Variants in PRR18 observed in about 807,000 individuals in gnomAD.
PRR18 encodes proline rich 18.
For missense variants in PRR18, 517 were observed against 437.4 expected, an observed-to-expected ratio of 1.18 and a Z score of -1.62; for synonymous variants, 228 against 220.2, an observed-to-expected ratio of 1.04 and a Z score of -0.32.
At position 166,307,721 on chromosome 6, in the gene PRR18, G is replaced by C; in HGVS notation, c.422C>G (p.Pro141Arg). 4 of 1,529,346 alleles carry C rather than the reference G, an allele frequency of 2.6e-6. No individual in the cohort carries two copies. The highest frequency in any genetic ancestry group is 3.5e-6 in the Non-Finnish European group (4 of 1,136,374). The allele number at this position is 1,529,346 out of a possible 1,614,324, so 94.7% of individuals were successfully genotyped here. The change falls in exon 1 of 1, where the codon CCC (proline) becomes CGC (arginine). Residue 141 changes from proline to arginine, a missense_variant. By Grantham distance (103) the Pro-to-Arg change is moderately radical (BLOSUM62 -2). Transcript: ENST00000322583. ...CTTCTGGATGACCAGGACGGCCTCG[G>C]GGGTGAGATTCAGGCAGAAGCGCGC... Reference protein sequence around the residue: ...SAARFCLNLTPEAVLVIQKRH... With the variant: ...SAARFCLNLTREAVLVIQKRH...
rs1333684775 is a variant in PRR18, at chr6:166,306,317, TA to T, written c.*937del. 2 of 152,222 alleles carry T rather than the reference TA, an allele frequency of 1.3e-5. No homozygotes were observed. Among genetic ancestry groups the T allele is most frequent in the Non-Finnish European group, 2.9e-5 (2 of 68,030 alleles). The allele number at this position is 152,222 out of a possible 1,614,324, so 9.4% of individuals were successfully genotyped here. ...ATTTAAAGTCTATCAAGATAAACAT[TA>T]AACCAGTTATTGGCTTTTACAAAGT... On this transcript the variant is annotated 3_prime_UTR_variant, in exon 1 of 1. Coordinates refer to ENST00000322583, the MANE Select transcript of PRR18 (RefSeq NM_175922.4).
chr6:166,306,205 A>T lies in PRR18; in HGVS notation c.*1050T>A, dbSNP rs912506289. The T allele has an allele frequency of 6.6e-6, 1 of 152,110 alleles. No homozygotes were observed. The highest frequency in any genetic ancestry group is 1.5e-5 in the Non-Finnish European group (1 of 68,034). The allele number at this position is 152,110 out of a possible 1,614,324, so 9.4% of individuals were successfully genotyped here. A position where few individuals can be genotyped will look rare whatever the true frequency, so the allele number is the denominator to read the frequency against. The stretch of plus-strand genomic sequence containing the variant: ...GAGAGAGAGACAGTGTGTGTGTGTT[A>T]TTAGAGCAAAGACCTCCACAAGAAA... On this transcript the variant is annotated 3_prime_UTR_variant, in exon 1 of 1. Coordinates refer to ENST00000322583, the MANE Select transcript of PRR18 (RefSeq NM_175922.4).
In PRR18 at chr6:166,308,117, G is replaced by T. The variant is rs1005374670; in HGVS notation, c.26C>A (p.Pro9Gln). Residue 9 changes from proline to glutamine, a missense_variant, in exon 1 of 1, where the codon CCG becomes CAG. By Grantham distance (76) the Pro-to-Gln change is moderately conservative. Coordinates refer to ENST00000322583, the MANE Select transcript of PRR18 (RefSeq NM_175922.4). MPFPPMPP[P>Q]PAPAPGAQAA... is the part of the protein sequence containing the mutation. ...TTGGGCCCCCGGGGCGGGGGCGGGC[G>T]GCGGCGGCATGGGCGGGAAGGGCAT... 8 of 1,230,960 alleles carry T rather than the reference G, an allele frequency of 6.5e-6. No homozygotes were observed. The East Asian group carries it at 2.5e-4, about 39-fold the overall frequency. The allele number at this position is 1,230,960 out of a possible 1,614,324, so 76.3% of individuals were successfully genotyped here.
chr6:166,308,172 C>G lies in PRR18; in HGVS notation c.-30G>C, dbSNP rs977131132. 2.4e-6 allele frequency: 3 copies of G among 1,229,172 alleles called. No homozygotes were observed. The highest frequency in any genetic ancestry group is 3.0e-6 in the Non-Finnish European group (3 of 984,676). 76.1% of individuals were successfully genotyped at this position (1,229,172 alleles called of 1,614,324 possible). A position where few individuals can be genotyped will look rare whatever the true frequency, so the allele number is the denominator to read the frequency against. ...CAGCCGAGCCGCCGGATCCTCAGCC[C>G]CTGGAAAGAGAGGCGGGCGCTCAGC... is the stretch of plus-strand genomic sequence containing the variant. On this transcript the variant is annotated 5_prime_UTR_variant, in exon 1 of 1. Transcript: ENST00000322583.
In PRR18 at chr6:166,307,081, C is replaced by A. The variant is rs958364818; in HGVS notation, c.*174G>T. ...GCGAGGGCAGGAGGGGGGCCGTGGC[C>A]GTCGGGCGAGTCTGGCTGCGCCCCA... On this transcript the variant is annotated 3_prime_UTR_variant, in exon 1 of 1. Transcript: ENST00000322583. The A allele has an allele frequency of 6.5e-6, 4 of 618,342 alleles. No individual in the cohort carries two copies. The highest frequency in any genetic ancestry group is 4.4e-5 in the Admixed American group (1 of 22,938). The allele number at this position is 618,342 out of a possible 1,614,324, so 38.3% of individuals were successfully genotyped here. A position where few individuals can be genotyped will look rare whatever the true frequency, so the allele number is the denominator to read the frequency against.
At position 166,308,249 on chromosome 6, in the gene PRR18, C is replaced by T. The variant is rs1424281642; in HGVS notation, c.-107G>A. On this transcript the variant is annotated 5_prime_UTR_variant, in exon 1 of 1. Transcript: ENST00000322583. ...GTCCGGGCGGCCCCTCCACACCCACCTGCGTCCAGCCGCGGCCTCTCCGGC... is the reference window on the plus strand; with the variant it reads ...GTCCGGGCGGCCCCTCCACACCCACTTGCGTCCAGCCGCGGCCTCTCCGGC... The T allele has an allele frequency of 1.8e-6, 2 of 1,097,536 alleles. No individual in the cohort carries two copies. Among genetic ancestry groups the T allele is most frequent in the Non-Finnish European group, 2.3e-6 (2 of 866,050 alleles). 68.0% of individuals were successfully genotyped at this position (1,097,536 alleles called of 1,614,324 possible).
chr6:166,307,331 C>T lies in PRR18; in HGVS notation c.812G>A (p.Arg271His). ...GLVRKCTEWL[R>H]GVESAAAARG... ...CGCGGCAGCCGCGGACTCCACGCCG[C>T]GCAGCCACTCCGTGCACTTGCGTAC... is the stretch of plus-strand genomic sequence containing the variant. Residue 271 changes from arginine (R) to histidine (H), a missense_variant, in exon 1 of 1, where the codon CGC (arginine) becomes CAC (histidine). By Grantham distance (29) the Arg-to-His change is conservative (BLOSUM62 0). Transcript: ENST00000322583. 1 of 1,565,948 alleles carries T rather than the reference C, an allele frequency of 6.4e-7. No individual in the cohort carries two copies. The highest frequency in any genetic ancestry group is 8.6e-7 in the Non-Finnish European group (1 of 1,164,948).
chr6:166,307,946 C>T lies in PRR18; in HGVS notation c.197G>A (p.Arg66Lys). The change falls in exon 1 of 1, where the codon AGG becomes AAG. Residue 66 changes from arginine to lysine, a missense_variant. Coordinates refer to ENST00000322583, the MANE Select transcript of PRR18 (RefSeq NM_175922.4). Reference protein sequence around the residue: ...PPARRGPGLDRTQPPAPPGVS... With the variant: ...PPARRGPGLDKTQPPAPPGVS... Reference sequence around the variant, plus strand: ...GCCCGGAGGGGCCGGCGGCTGCGTCCTGTCCAGGCCGGGGCCGCGCCGGGC... The same window carrying T: ...GCCCGGAGGGGCCGGCGGCTGCGTCTTGTCCAGGCCGGGGCCGCGCCGGGC... 8.1e-7 allele frequency: 1 copy of T among 1,228,488 alleles called. No homozygotes were observed. The highest frequency in any genetic ancestry group is 1.0e-6 in the Non-Finnish European group (1 of 981,034). 76.1% of individuals were successfully genotyped at this position (1,228,488 alleles called of 1,614,324 possible).
chr6:166,307,205 A>G lies in PRR18; in HGVS notation c.*50T>C. 1 of 1,355,790 alleles carries G rather than the reference A, an allele frequency of 7.4e-7. No homozygotes were observed. Among genetic ancestry groups the G allele is most frequent in the Non-Finnish European group, 9.5e-7 (1 of 1,055,240 alleles). 84.0% of individuals were successfully genotyped at this position (1,355,790 alleles called of 1,614,324 possible). A position where few individuals can be genotyped will look rare whatever the true frequency, so the allele number is the denominator to read the frequency against. On this transcript the variant is annotated 3_prime_UTR_variant, in exon 1 of 1. Coordinates refer to ENST00000322583, the MANE Select transcript of PRR18 (RefSeq NM_175922.4). ...GGCCCCTAGGCGGAGTGGCGCGTGC[A>G]GGAAGTGAGGTGGGATCAGGCCTGG...
At position 166,307,009 on chromosome 6, in the gene PRR18, G is replaced by C; in HGVS notation, c.*246C>G. ...GAGTGGGGGCAGAGGCAGGCATCTG[G>C]GGTAGATACCACCGGTGTGAACGAG... On this transcript the variant is annotated 3_prime_UTR_variant, in exon 1 of 1. Coordinates refer to ENST00000322583, the MANE Select transcript of PRR18 (RefSeq NM_175922.4). 4.7e-6 allele frequency: 2 copies of C among 429,184 alleles called. No individual in the cohort carries two copies. Among genetic ancestry groups the C allele is most frequent in the Non-Finnish European group, 8.2e-6 (2 of 244,314 alleles). The allele number at this position is 429,184 out of a possible 1,614,324, so 26.6% of individuals were successfully genotyped here.
Position 166,307,494 on chromosome 6 carries a change from C to A in PRR18, c.649G>T (p.Gly217Cys), listed in dbSNP as rs756819681. Residue 217 changes from glycine (G) to cysteine (C), a missense_variant, in exon 1 of 1, where the codon GGC (glycine) becomes TGC (cysteine). Transcript: ENST00000322583. ...APPPGAQLLH[G>C]GLQVPQLSPR... ...CTGAGCTGGGGAACCTGCAGGCCGC[C>A]GTGCAGCAGCTGGGCGCCGGGCGGA... 6 of 1,343,592 alleles carry A rather than the reference C, an allele frequency of 4.5e-6. No individual in the cohort carries two copies. The highest frequency in any genetic ancestry group is 2.9e-5 in the East Asian group (1 of 34,502). 83.2% of individuals were successfully genotyped at this position (1,343,592 alleles called of 1,614,324 possible).
rs1322435402 is a variant in PRR18, at chr6:166,308,017, C to A, written c.126G>T (p.Gly42=). 4.8e-5 allele frequency: 59 copies of A among 1,239,564 alleles called. No homozygotes were observed. Among genetic ancestry groups the A allele is most frequent in the Non-Finnish European group, 5.5e-5 (54 of 985,054 alleles). The allele number at this position is 1,239,564 out of a possible 1,614,324, so 76.8% of individuals were successfully genotyped here. Residue 42 remains glycine, a synonymous_variant, in exon 1 of 1, where the codon GGG becomes GGT. Coordinates refer to ENST00000322583, the MANE Select transcript of PRR18 (RefSeq NM_175922.4). ...KKKRPPQRPE[G]LLSSSWPSAT... is the part of the protein sequence containing the mutation. Reference sequence around the variant, plus strand: ...CGGAGGGCCAGGAGCTGGAGAGGAGCCCCTCGGGCCGCTGTGGGGGCCTCT... The same window carrying A: ...CGGAGGGCCAGGAGCTGGAGAGGAGACCCTCGGGCCGCTGTGGGGGCCTCT...
rs1358081970 is a variant in PRR18 at position 166,306,059 on chromosome 6, G to T, written c.*1196C>A. 6.6e-6 allele frequency: 1 copy of T among 152,156 alleles called. No individual in the cohort carries two copies. The highest frequency in any genetic ancestry group is 6.5e-5 in the Admixed American group (1 of 15,280). 9.4% of individuals were successfully genotyped at this position (152,156 alleles called of 1,614,324 possible). A position where few individuals can be genotyped will look rare whatever the true frequency, so the allele number is the denominator to read the frequency against. Reference sequence around the variant, plus strand: ...AAGAAAACTTATCTCCAAATTCAAAGAAGTTATTCAATGGGTAGGTTTTTT... The same window carrying T: ...AAGAAAACTTATCTCCAAATTCAAATAAGTTATTCAATGGGTAGGTTTTTT... On this transcript the variant is annotated 3_prime_UTR_variant, in exon 1 of 1. Transcript: ENST00000322583.
Position 166,307,631 on chromosome 6 carries a change from G to A in PRR18, c.512C>T (p.Pro171Leu). The A allele has an allele frequency of 7.2e-7, 1 of 1,384,586 alleles. No homozygotes were observed. Among genetic ancestry groups the A allele is most frequent in the Non-Finnish European group, 9.4e-7 (1 of 1,061,444 alleles). 85.8% of individuals were successfully genotyped at this position (1,384,586 alleles called of 1,614,324 possible). A position where few individuals can be genotyped will look rare whatever the true frequency, so the allele number is the denominator to read the frequency against. Residue 171 changes from proline to leucine, a missense_variant, in exon 1 of 1, where the codon CCC becomes CTC. Physicochemically the swap from Pro to Leu is moderately conservative, Grantham distance 98. Transcript: ENST00000322583. ...RRPFPSPSAE[P>L]RRLLAPCLPA... The stretch of plus-strand genomic sequence containing the variant: ...GAGACACGGGGCGAGTAGGCGCCTG[G>A]GTTCGGCCGAGGGTGAGGGGAAGGG...
chr6:166,307,315 C>A lies in PRR18; in HGVS notation c.828G>T (p.Ala276=), dbSNP rs747689052. The A allele has an allele frequency of 6.4e-7, 1 of 1,551,390 alleles. No homozygotes were observed. The highest frequency in any genetic ancestry group is 1.9e-5 in the Admixed American group (1 of 53,996). ...CTEWLRGVES[A]AAARGRAGAL... ...CCCCCGCCCGGCCCCGCGCGGCAGC[C>A]GCGGACTCCACGCCGCGCAGCCACT... Residue 276 remains alanine, a synonymous_variant, in exon 1 of 1, where the codon GCG becomes GCT. Coordinates refer to ENST00000322583, the MANE Select transcript of PRR18 (RefSeq NM_175922.4).
At position 166,307,910 on chromosome 6, in the gene PRR18, T is replaced by C; in HGVS notation, c.233A>G (p.Gln78Arg). ...QPPAPPGVSPQALPSRARAPA... is the reference protein window; with the variant it reads ...QPPAPPGVSPRALPSRARAPA... ...GGCCCGCGCGCGGCTGGGCAAGGCC[T>C]GGGGGGAGACGCCCGGAGGGGCCGG... Residue 78 changes from glutamine to arginine, a missense_variant, in exon 1 of 1, where the codon CAG (glutamine) becomes CGG (arginine). By Grantham distance (43) the Gln-to-Arg change is conservative. Transcript: ENST00000322583. 8.2e-7 allele frequency: 1 copy of C among 1,224,524 alleles called. No homozygotes were observed. The highest frequency in any genetic ancestry group is 1.0e-6 in the Non-Finnish European group (1 of 982,220). 75.9% of individuals were successfully genotyped at this position (1,224,524 alleles called of 1,614,324 possible).
At position 166,307,812 on chromosome 6, in the gene PRR18, A is replaced by C; in HGVS notation, c.331T>G (p.Ser111Ala). Residue 111 changes from serine (S) to alanine (A), a missense_variant, in exon 1 of 1, where the codon TCG becomes GCG. Transcript: ENST00000322583. ...GCGGCGGTGGTCCCCGTCCCCGCCG[A>C]GGTCGCCGCATAGGTGGTCCTCGCT... The part of the protein sequence containing the change: ...SPARTTYAAT[S>A]AGTGTTAAGT... 7.0e-7 allele frequency: 1 copy of C among 1,419,850 alleles called. No homozygotes were observed. 88.0% of individuals were successfully genotyped at this position (1,419,850 alleles called of 1,614,324 possible).
rs1011824056 is a variant in PRR18 at position 166,308,155 on chromosome 6, C to T, written c.-13G>A. 6 of 1,229,042 alleles carry T rather than the reference C, an allele frequency of 4.9e-6. No individual in the cohort carries two copies. The African/African-American group carries it at 7.8e-5, about 16-fold the overall frequency. 76.1% of individuals were successfully genotyped at this position (1,229,042 alleles called of 1,614,324 possible). A position where few individuals can be genotyped will look rare whatever the true frequency, so the allele number is the denominator to read the frequency against. ...GCGGGAAGGGCATAGTGCAGCCGAG[C>T]CGCCGGATCCTCAGCCCCTGGAAAG... On this transcript the variant is annotated 5_prime_UTR_variant, in exon 1 of 1. Coordinates refer to ENST00000322583, the MANE Select transcript of PRR18 (RefSeq NM_175922.4).
rs1245044485 is a variant in PRR18 at position 166,307,848 on chromosome 6, C to T, written c.295G>A (p.Gly99Ser). The change falls in exon 1 of 1, where the codon GGC becomes AGC. Residue 99 changes from glycine to serine, a missense_variant. By Grantham distance (56) the Gly-to-Ser change is moderately conservative. Transcript: ENST00000322583. ...TCAPPRPAGS[G>S]HSPARTTYAA... Reference sequence around the variant, plus strand: ...TAGGTGGTCCTCGCTGGGCTGTGGCCGGAGCCTGCCGGCCGGGGCGGGGCG... The same window carrying T: ...TAGGTGGTCCTCGCTGGGCTGTGGCTGGAGCCTGCCGGCCGGGGCGGGGCG... 2.4e-6 allele frequency: 3 copies of T among 1,272,192 alleles called. No individual in the cohort carries two copies. Among genetic ancestry groups the T allele is most frequent in the East Asian group, 3.2e-5 (1 of 31,698 alleles). 78.8% of individuals were successfully genotyped at this position (1,272,192 alleles called of 1,614,324 possible).
Sources: allele counts gnomAD v4.1 joint callset, GRCh38; gene constraint gnomAD v4.1.1; transcripts MANE v1.5; gene names NCBI Gene and HGNC (gene_info 2026-07-23, HGNC 2026-07-21).